SLC7A9: variants seen among roughly 807,000 people sequenced by gnomAD.
SLC7A9 encodes B(0,+)-type amino acid transporter 1.
SLC7A9 carries 38 observed loss-of-function variants against 54.1 expected under a neutral mutation model. That is an observed-to-expected ratio of 0.70 (90% CI 0.54 to 0.92). The LOEUF (loss-of-function observed/expected upper bound fraction) is 0.92, where lower values mean the gene tolerates loss of function less well. SLC7A9 is among the 40% of genes least tolerant of loss of function. The pLI is 0.00. For missense variants in SLC7A9, 537 were observed against 636.1 expected (o/e 0.84, Z 1.68); for synonymous variants, 264 against 258.9 (o/e 1.02, Z -0.19).
chr19:32,851,613 C>T (rs928559826), intron 9 of SLC7A9, among the ~76,000 whole-genome samples: 2 of 151,842 alleles, frequency 1.3e-5, no homozygotes, highest in Non-Finnish European at 2.9e-5. Flanking sequence ...GTCAGTGTGG[C>T]GATTCCTTAG....
chr19:32,858,162 T>A (rs973080272), intron 9 of SLC7A9, among the ~76,000 whole-genome samples: 1 of 152,188 alleles, frequency 6.6e-6, no homozygotes, highest in African/African-American at 2.4e-5. Flanking sequence ...CATGGGCAGC[T>A]TCCCCCCCAT....
At chr19:32,868,789 C>T (rs1420710535) in intron 1 of SLC7A9, 144 bp from the exon 2 acceptor site, 1 of 566,386 alleles carries the variant, frequency 1.8e-6, no homozygotes, top group Non-Finnish European at 3.2e-6. Context: ...CTCCAAAGCT[C>T]AGCTGCTTGC....
rs921460785 is a variant in SLC7A9 at position 32,835,984 on chromosome 19, G to A, written c.1225-2661C>T. Among the ~76,000 whole-genome samples, 7 of 151,580 alleles carry A rather than the reference G, an allele frequency of 4.6e-5. No individual in the cohort carries two copies. In the South Asian group the frequency reaches 6.3e-4, roughly 14 times the overall value. ...GGCTGGAGTGCAGTGGCACAATCTC[G>A]GCTCACTGCAACCTCTGCCTCCCAG... On this transcript the variant is annotated intron_variant, in intron 11 of 12. Coordinates refer to ENST00000023064, the MANE Select transcript of SLC7A9 (RefSeq NM_014270.5).
At chr19:32,859,759 G>T (rs1968737628) in intron 8 of SLC7A9, 82 bp downstream of exon 8, 2 of 1,156,644 alleles carry the variant, frequency 1.7e-6, no homozygotes, top group African/African-American at 3.0e-5. Context: ...CCCTGGGAGG[G>T]AGCTCACCTC....
At chr19:32,861,009 T>C (rs1358437193) in intron 6 of SLC7A9, among the ~76,000 whole-genome samples, 1 of 152,172 alleles carries the variant, frequency 6.6e-6, no homozygotes, top group African/African-American at 2.4e-5. Context: ...GGACCATCGT[T>C]GCAGATGGCC....
chr19:32,859,253 A>G (rs766928846), intron 8 of SLC7A9, among the ~76,000 whole-genome samples: 3 of 151,936 alleles, frequency 2.0e-5, no homozygotes, highest in Non-Finnish European at 1.5e-5. Context: ...ACTCGCCACC[A>G]CACCCAGCTG....
rs768653033 is a variant in SLC7A9, at chr19:32,862,146, A to G, written c.676T>C (p.Tyr226His). 1.9e-6 allele frequency: 3 copies of G among 1,613,414 alleles called. No homozygotes were observed. Among genetic ancestry groups the G allele is most frequent in the Non-Finnish European group, 2.5e-6 (3 of 1,179,480 alleles). Residue 226 changes from tyrosine to histidine, a missense_variant, in exon 6 of 13, where the codon TAC becomes CAC. Transcript: ENST00000023064. Reference sequence around the variant, plus strand: ...CCATCATAGGCCCAGAGTCCATTGTAAAACGCCAGGCTGATGGCTCCCACA... The same window carrying G: ...CCATCATAGGCCCAGAGTCCATTGTGAAACGCCAGGCTGATGGCTCCCACA... ...LSVGAISLAF[Y>H]NGLWAYDGWN...
intron 11 of SLC7A9, among the ~76,000 whole-genome samples, chr19:32,841,379 G>A (rs1968122556): frequency 6.6e-6 from 1 of 152,110 alleles, no homozygotes; most frequent in Admixed American, 6.6e-5. Flanking sequence ...TAGACTCTGA[G>A]TGGTTGCATG....
In SLC7A9 at chr19:32,862,567, G is replaced by A; in HGVS notation, c.498C>T (p.Asn166=). ...AGCTTCCCAGCCGCACGCTCAGTGA[G>A]TTCACTGTCGAGATGAACACTGGAA... ...AAAILFISTV[N]SLSVRLGSYV... The change falls in exon 5 of 13, where the codon AAC becomes AAT. Residue 166 remains asparagine, a synonymous_variant. Transcript: ENST00000023064. 1 of 1,614,032 alleles carries A rather than the reference G, an allele frequency of 6.2e-7. No individual in the cohort carries two copies. The highest frequency in any genetic ancestry group is 1.1e-5 in the South Asian group (1 of 91,072).
intron 2 of SLC7A9, 78 bp from the exon 3 acceptor site, chr19:32,864,854 G>A: frequency 6.3e-7 from 1 of 1,590,532 alleles, no homozygotes; most frequent in East Asian, 2.2e-5. Flanking sequence ...CCCTCCCTCG[G>A]TACGGCCAGG....
intron 2 of SLC7A9, among the ~76,000 whole-genome samples, chr19:32,867,627 C>A (rs1338272162): frequency 6.6e-6 from 1 of 152,006 alleles, no homozygotes; most frequent in South Asian, 2.1e-4. Context: ...GCTCAACACA[C>A]AAAAGCACCT....
At chr19:32,860,258 A>T (rs972396333) in intron 7 of SLC7A9, 11 of 1,399,816 alleles carry the variant, frequency 7.9e-6, no homozygotes, top group South Asian at 3.0e-5. Flanking sequence ...TAGTGAGCTC[A>T]TAAGAAACCA....
chr19:32,841,609 A>T (rs1455533894), intron 11 of SLC7A9, among the ~76,000 whole-genome samples: 1 of 152,174 alleles, frequency 6.6e-6, no homozygotes, highest in South Asian at 2.1e-4. Flanking sequence ...TATATGTGCG[A>T]GAGATATCAG....
Position 32,844,048 on chromosome 19 carries a change from C to T in SLC7A9, c.978-97G>A, listed in dbSNP as rs536550456. 2.4e-5 allele frequency: 22 copies of T among 902,060 alleles called. No homozygotes were observed. In the Admixed American group the frequency reaches 2.5e-4, roughly 10 times the overall value. 55.9% of individuals were successfully genotyped at this position (902,060 alleles called of 1,614,324 possible). A position where few individuals can be genotyped will look rare whatever the true frequency, so the allele number is the denominator to read the frequency against. On this transcript the variant is annotated intron_variant, in intron 9 of 12. Transcript: ENST00000023064. ...GCTCCGGGGTCCACCAAGGAGCCCT[C>T]GGGAGGCTCAGGAAGGGAGCTGAGC...
At chr19:32,862,440 G>A (rs915748480) in intron 5 of SLC7A9, 21 bp downstream of exon 5, 3 of 1,612,372 alleles carry the variant, frequency 1.9e-6, no homozygotes, top group East Asian at 2.2e-5. Flanking sequence ...CCCGTGCAGG[G>A]CCCACCCTCC....
chr19:32,831,890 G>A (rs1056589971), intron 12 of SLC7A9, among the ~76,000 whole-genome samples: 7 of 152,350 alleles, frequency 4.6e-5, no homozygotes, highest in South Asian at 4.1e-4. Flanking sequence ...AGGATGAGAC[G>A]CATGATGGTG....
rs183325575 is a variant in SLC7A9 at position 32,844,179 on chromosome 19, G to A, written c.978-228C>T. On this transcript the variant is annotated intron_variant, in intron 9 of 12. Transcript: ENST00000023064. ...TGAGAGACTAGGTGTGGTGGCTCAC[G>A]CCTGTAATCCCAACACCTTGGGAGG... 3.5e-3 allele frequency among the ~76,000 whole-genome samples: 528 copies of A among 152,202 alleles called. 1 individual carries two copies. The highest frequency in any genetic ancestry group is 0.011 in the African/African-American group (477 of 41,538).
chr19:32,845,332 T>TA (rs1968255647), intron 9 of SLC7A9, among the ~76,000 whole-genome samples: 1 of 150,996 alleles, frequency 6.6e-6, no homozygotes, highest in South Asian at 2.1e-4. Context: ...CCGTCTTTAC[T>TA]AAAAATACAA....
chr19:32,851,847 A>C (rs1368751372), intron 9 of SLC7A9, among the ~76,000 whole-genome samples: 2 of 152,184 alleles, frequency 1.3e-5, no homozygotes, highest in Admixed American at 1.3e-4. Flanking sequence ...AGCCATAAAA[A>C]ATGATGAGTT....
Sources: gnomAD v4.1 joint callset for allele counts (sites outside exome capture counted in the v4.1 genomes callset) on GRCh38, gnomAD v4.1.1 for gene constraint, MANE v1.5 for transcripts, NCBI Gene and HGNC (gene_info 2026-07-23, HGNC 2026-07-21) for gene names.